The following ZNF527 variants were observed in gnomAD, a reference collection of about 807,000 sequenced individuals.
ZNF527 encodes the protein zinc finger protein 527.
ZNF527 carries 5 observed loss-of-function variants against 13.5 expected under a neutral mutation model. The ratio of observed to expected loss-of-function variants is 0.37; its 90% CI spans 0.19 to 0.78. The LOEUF (loss-of-function observed/expected upper bound fraction) is 0.78. Among genes scored for constraint, ZNF527 ranks in the 30% least tolerant of loss-of-function variants. The pLI, the probability that ZNF527 is intolerant of heterozygous loss-of-function variation, is 0.48. For missense variants in ZNF527, 628 were observed against 726.4 expected (o/e 0.86, Z 1.56); for synonymous variants, 209 against 243.1 (o/e 0.86, Z 1.30).
At chr19:37,383,002 C>T (rs755365870) in intron 4 of ZNF527, among the ~76,000 whole-genome samples, 3 of 152,092 alleles carry the variant, frequency 2.0e-5, no homozygotes, top group African/African-American at 4.8e-5. Flanking sequence ...CCACCATGCC[C>T]GGCCGTATAT....
chr19:37,380,123 A>C (rs2040641296), intron 3 of ZNF527, 154 bp from the exon 4 acceptor site: 1 of 1,381,248 alleles, frequency 7.2e-7, no homozygotes, highest in Admixed American at 2.9e-5. Flanking sequence ...TCATCCATAC[A>C]AGCGTCATTC....
intron 4 of ZNF527, among the ~76,000 whole-genome samples, chr19:37,383,244 CT>C (rs74174457): frequency 0.27 from 41,258 of 150,952 alleles, 7,046 homozygotes; most frequent in African/African-American, 0.48. Flanking sequence ...ATTTTTTATG[CT>C]TTTTTTTTGA....
chr19:37,383,789 G>A (rs552831402), intron 4 of ZNF527, among the ~76,000 whole-genome samples: 5 of 151,728 alleles, frequency 3.3e-5, no homozygotes, highest in East Asian at 2.0e-4. Context: ...CACCTGCTTC[G>A]GCCTCCCAAA....
Position 37,389,432 on chromosome 19 carries a change from G to C in ZNF527, c.1383G>C (p.Gln461His). Residue 461 changes from glutamine (Q) to histidine (H), a missense_variant, in exon 5 of 5, where the codon CAG becomes CAC. Transcript: ENST00000436120. ...FGYRSHLNQH[Q>H]RIHTGEKPYE... ...ATCGCTCACACCTGAATCAACATCA[G>C]AGAATTCATACCGGAGAAAAGCCCT... The C allele has an allele frequency of 6.2e-7, 1 of 1,614,090 alleles. No homozygotes were observed. Among genetic ancestry groups the C allele is most frequent in the South Asian group, 1.1e-5 (1 of 91,072 alleles).
chr19:37,378,120 C>T (rs533799398), intron 2 of ZNF527, among the ~76,000 whole-genome samples: 2 of 151,572 alleles, frequency 1.3e-5, no homozygotes, highest in Non-Finnish European at 2.9e-5. Flanking sequence ...AGCCTCCTCC[C>T]GAGTTCAAGC....
At chr19:37,383,644 T>C (rs903401407) in intron 4 of ZNF527, among the ~76,000 whole-genome samples, 3 of 152,000 alleles carry the variant, frequency 2.0e-5, no homozygotes, top group African/African-American at 7.2e-5. Flanking sequence ...GTTCAAGCGA[T>C]TCTCCTGTAT....
intron 4 of ZNF527, 138 bp downstream of exon 4, chr19:37,380,510 C>A: frequency 1.7e-6 from 1 of 584,970 alleles, no homozygotes; most frequent in Non-Finnish European, 2.9e-6. Context: ...CCTCACCACA[C>A]CCTGGGGTTT....
intron 3 of ZNF527, 25 bp downstream of exon 3, chr19:37,379,271 TTAAAAA>T (rs1324513855): frequency 6.4e-7 from 1 of 1,561,946 alleles, no homozygotes; most frequent in Admixed American, 2.0e-5. Context: ...CCCCCATAAT[TTAAAAA>T]TCTTCCTCTG....
intron 1 of ZNF527, among the ~76,000 whole-genome samples, 166 bp from the exon 2 acceptor site, chr19:37,373,992 A>T (rs2040579460): frequency 7.3e-6 from 1 of 137,652 alleles, no homozygotes; most frequent in Non-Finnish European, 1.5e-5. Flanking sequence ...AGACTTTGGG[A>T]GTTAAGTTCA....
At chr19:37,379,094 G>A (rs2040630694) in intron 2 of ZNF527, 26 bp from the exon 3 acceptor site, 29 of 1,613,742 alleles carry the variant, frequency 1.8e-5, no homozygotes, top group Non-Finnish European at 2.4e-5. Flanking sequence ...CTGGGCACCT[G>A]GTGAACAAGA....
chr19:37,375,470 T>A (rs1265741393), intron 2 of ZNF527, among the ~76,000 whole-genome samples: 1 of 151,390 alleles, frequency 6.6e-6, no homozygotes, highest in Admixed American at 6.6e-5. Flanking sequence ...CAAGCGATTC[T>A]CCTGCCTCAG....
chr19:37,375,311 T>TTTCTTTCTTTTCTTTCTTTCTTTC (rs760003304), intron 2 of ZNF527, among the ~76,000 whole-genome samples: 10 of 79,832 alleles, frequency 1.3e-4, no homozygotes, highest in Admixed American at 7.1e-4. Context: ...TCTTTCTTTC[T>TTTCTTTCTTTTCTTTCTTTCTTTC]TTTCTTTCTT....
chr19:37,376,979 T>C (rs962947903), intron 2 of ZNF527, among the ~76,000 whole-genome samples: 2 of 152,208 alleles, frequency 1.3e-5, no homozygotes, highest in Non-Finnish European at 2.9e-5. Flanking sequence ...TTCTTGTGAC[T>C]ACTGGAAAAT....
intron 4 of ZNF527, chr19:37,385,448 C>T (rs2040690462): frequency 5.0e-6 from 2 of 398,056 alleles, no homozygotes; most frequent in Non-Finnish European, 8.8e-6. Flanking sequence ...TACAAGTCAA[C>T]CCTGGTTGAG....
At chr19:37,378,688 T>A (rs1228862878) in intron 2 of ZNF527, among the ~76,000 whole-genome samples, 1 of 152,232 alleles carries the variant, frequency 6.6e-6, no homozygotes, top group Non-Finnish European at 1.5e-5. Flanking sequence ...CAGGATATGT[T>A]CCTGGACGTT....
At position 37,386,140 on chromosome 19, in the gene ZNF527, C is replaced by CTTTTTTTTTTTT. The variant is rs1050024983; in HGVS notation, c.257-2155_257-2144dup. Among the ~76,000 whole-genome samples, 113 of 72,456 alleles carry CTTTTTTTTTTTT rather than the reference C, an allele frequency of 1.6e-3. 8 individuals carry two copies. The highest frequency in any genetic ancestry group is 3.1e-3 in the East Asian group (7 of 2,248). The allele number at this position is 72,456 out of a possible 152,430, so 47.5% of individuals were successfully genotyped here. A position where few individuals can be genotyped will look rare whatever the true frequency, so the allele number is the denominator to read the frequency against. ...TAGAACTTTCTTTTCTCTTCTTTTC[C>CTTTTTTTTTTTT]TTTTTTTTTTTTTTTTTTTTTTGAG... is the stretch of plus-strand genomic sequence containing the variant. On this transcript the variant is annotated intron_variant, in intron 4 of 4. Coordinates refer to ENST00000436120, the MANE Select transcript of ZNF527 (RefSeq NM_032453.2).
rs2040747639 is a variant in ZNF527, at chr19:37,390,996, T to A, written c.*1117T>A. 6.6e-6 allele frequency: 1 copy of A among 152,356 alleles called. No individual in the cohort carries two copies. Among genetic ancestry groups the A allele is most frequent in the Non-Finnish European group, 1.5e-5 (1 of 68,040 alleles). The allele number at this position is 152,356 out of a possible 1,614,324, so 9.4% of individuals were successfully genotyped here. ...TAAAACTATTTTAGTGTTTCTTAGT[T>A]TTTTTCACATTATGGCTGAATATTT... On this transcript the variant is annotated 3_prime_UTR_variant, in exon 5 of 5. Coordinates refer to ENST00000436120, the MANE Select transcript of ZNF527 (RefSeq NM_032453.2).
chr19:37,389,810 T>C lies in ZNF527; in HGVS notation c.1761T>C (p.Cys587=). 6.2e-7 allele frequency: 1 copy of C among 1,613,170 alleles called. No homozygotes were observed. The highest frequency in any genetic ancestry group is 1.1e-5 in the South Asian group (1 of 91,042). Residue 587 remains cysteine, a synonymous_variant, in exon 5 of 5, where the codon TGT becomes TGC. Coordinates refer to ENST00000436120, the MANE Select transcript of ZNF527 (RefSeq NM_032453.2). ...AGEKPYKCNE[C]GNNFSCVSAL... is the part of the protein sequence containing the mutation. ...AAAAACCTTATAAATGTAACGAATGTGGGAATAATTTTAGCTGTGTCTCAG... is the reference window on the plus strand; with the variant it reads ...AAAAACCTTATAAATGTAACGAATGCGGGAATAATTTTAGCTGTGTCTCAG...
chr19:37,374,215 G>A lies in ZNF527; in HGVS notation c.17G>A (p.Cys6Tyr), dbSNP rs748473581. The stretch of plus-strand genomic sequence containing the variant: ...GAAGGAGGAATGGCTGTGGGGCTTT[G>A]TAAAGCCATGTCCCAGGTAAGCATG... The part of the protein sequence containing the change: MAVGL[C>Y]KAMSQGLVTF... Residue 6 changes from cysteine (C) to tyrosine (Y), a missense_variant, in exon 2 of 5, where the codon TGT (cysteine) becomes TAT (tyrosine). Around this residue, in one of 3 missense-constraint regions of ZNF527, gnomAD observed 33 missense variants for 31.2 expected, o/e 1.06. Transcript: ENST00000436120. The A allele has an allele frequency of 1.7e-5, 27 of 1,613,934 alleles. No homozygotes were observed. Among genetic ancestry groups the A allele is most frequent in the African/African-American group, 2.7e-5 (2 of 74,914 alleles).
Sources: allele counts gnomAD v4.1 joint callset (sites outside exome capture counted in the v4.1 genomes callset), GRCh38; gene constraint gnomAD v4.1.1; regional missense constraint gnomAD v4.1.1; transcripts MANE v1.5; gene names NCBI Gene and HGNC (gene_info 2026-07-23, HGNC 2026-07-21).